SCAMP4: variants seen among roughly 807,000 people sequenced by gnomAD.
SCAMP4 encodes the protein secretory carrier membrane protein 4, also known as secretory carrier-associated membrane protein 4.
SCAMP4 carries 19 observed loss-of-function variants against 32.1 expected under a neutral mutation model. That is an observed-to-expected ratio of 0.59 (90% CI 0.41 to 0.87). The LOEUF is 0.87. SCAMP4 is among the 40% of genes least tolerant of loss of function. The pLI, the probability that SCAMP4 is intolerant of heterozygous loss-of-function variation, is 0.00. For synonymous variants in SCAMP4, 152 were observed against 132.7 expected (o/e 1.15, Z -1.00); for missense variants, 302 against 309.0 (o/e 0.98, Z 0.17).
At chr19:1,907,489 G>A (rs566738355) in intron 1 of SCAMP4, among the ~76,000 whole-genome samples, 1 of 152,232 alleles carries the variant, frequency 6.6e-6, no homozygotes, top group Non-Finnish European at 1.5e-5. Flanking sequence ...TCGCAGTCAG[G>A]AATTGACCGC....
At chr19:1,920,388 G>A (rs949359365) in intron 5 of SCAMP4, 1 of 820,130 alleles carries the variant, frequency 1.2e-6, no homozygotes, top group African/African-American at 1.9e-5. Context: ...AGGTTTCCTG[G>A]GATGGTGACT....
Position 1,923,866 on chromosome 19 carries a change from C to T in SCAMP4, c.514-242C>T, listed in dbSNP as rs191277930. ...GGTCTCAATCTCCTGACCTCGTGATCCTCCCGCCTCGGCCTCCCGAAGTGC... is the reference window on the plus strand; with the variant it reads ...GGTCTCAATCTCCTGACCTCGTGATTCTCCCGCCTCGGCCTCCCGAAGTGC... On this transcript the variant is annotated intron_variant, in intron 6 of 6. Coordinates refer to ENST00000316097, the MANE Select transcript of SCAMP4 (RefSeq NM_079834.4). 1.1e-3 allele frequency among the ~76,000 whole-genome samples: 137 copies of T among 121,386 alleles called. 18 individuals carry two copies. Among genetic ancestry groups the T allele is most frequent in the Admixed American group, 9.7e-3 (95 of 9,790 alleles). The allele number at this position is 121,386 out of a possible 152,430, so 79.6% of individuals were successfully genotyped here.
At chr19:1,917,921 T>C (rs1395043437) in intron 3 of SCAMP4, 99 bp downstream of exon 3, 1 of 1,513,036 alleles carries the variant, frequency 6.6e-7, no homozygotes, top group African/African-American at 1.4e-5. Flanking sequence ...GGGCCCACCG[T>C]CTACTGAAGC....
At position 1,909,947 on chromosome 19, in the gene SCAMP4, G is replaced by A. The variant is rs1036692199; in HGVS notation, c.-42+4508G>A. 3.3e-5 allele frequency among the ~76,000 whole-genome samples: 5 copies of A among 152,230 alleles called. No individual in the cohort carries two copies. In the South Asian group the frequency reaches 8.3e-4, roughly 25 times the overall value. ...GTCTCTCTTTTCCTAGCCCTTGGCCGACTAGGGGGCGAGTGTTTACAGAAA... is the reference window on the plus strand; with the variant it reads ...GTCTCTCTTTTCCTAGCCCTTGGCCAACTAGGGGGCGAGTGTTTACAGAAA... On this transcript the variant is annotated intron_variant, in intron 1 of 6. Transcript: ENST00000316097.
chr19:1,920,905 C>T (rs1357810244), intron 5 of SCAMP4: 4 of 985,376 alleles, frequency 4.1e-6, no homozygotes, highest in Non-Finnish European at 4.8e-6. Flanking sequence ...GGCCCTCGTG[C>T]ACGTGCGGCA....
chr19:1,922,209 G>T lies in SCAMP4; in HGVS notation c.396-861G>T, dbSNP rs376413439. On this transcript the variant is annotated intron_variant, in intron 5 of 6. Coordinates refer to ENST00000316097, the MANE Select transcript of SCAMP4 (RefSeq NM_079834.4). ...CTGGTCCTGCACAGAGGGACCCAGG[G>T]CGTGCTGGCCTTCCCAGTGTCCCAC... is the stretch of plus-strand genomic sequence containing the variant. 2.1e-5 allele frequency: 21 copies of T among 985,458 alleles called. No individual in the cohort carries two copies. In the African/African-American group the frequency reaches 3.1e-4, roughly 15 times the overall value. 61.0% of individuals were successfully genotyped at this position (985,458 alleles called of 1,614,324 possible). A position where few individuals can be genotyped will look rare whatever the true frequency, so the allele number is the denominator to read the frequency against.
At position 1,912,103 on chromosome 19, in the gene SCAMP4, C is replaced by T. The variant is rs752745048; in HGVS notation, c.-41-2876C>T. The T allele has an allele frequency of 4.0e-5, 61 of 1,508,338 alleles. No homozygotes were observed. The highest frequency in any genetic ancestry group is 8.7e-5 in the Admixed American group (4 of 45,856). 93.4% of individuals were successfully genotyped at this position (1,508,338 alleles called of 1,614,324 possible). On this transcript the variant is annotated intron_variant, in intron 1 of 6. Transcript: ENST00000316097. ...CAGTCGGCCTCGCTGAGGATGGAGC[C>T]CGCCCCGGGCCTCGTGGAGCAGCCC... is the stretch of plus-strand genomic sequence containing the variant.
chr19:1,917,750 T>C lies in SCAMP4; in HGVS notation c.64T>C (p.Tyr22His). The change falls in exon 3 of 7, where the codon TAC becomes CAC. Residue 22 changes from tyrosine to histidine, a missense_variant. By Grantham distance (83) the Tyr-to-His change is moderately conservative. Coordinates refer to ENST00000316097, the MANE Select transcript of SCAMP4 (RefSeq NM_079834.4). ...GTTCATCCCTGTGAAGCCCTGCTTC[T>C]ACCAGAACTTCTCCGACGAGATCCC... ...PKFIPVKPCFYQNFSDEIPVE... is the reference protein window; with the variant it reads ...PKFIPVKPCFHQNFSDEIPVE... 1 of 1,614,020 alleles carries C rather than the reference T, an allele frequency of 6.2e-7. No homozygotes were observed. Among genetic ancestry groups the C allele is most frequent in the Middle Eastern group, 1.6e-4 (1 of 6,062 alleles).
intron 5 of SCAMP4, chr19:1,922,446 G>T (rs946395963): frequency 6.5e-6 from 5 of 773,356 alleles, no homozygotes; most frequent in Admixed American, 6.3e-5. Context: ...TGTTGGTCAG[G>T]CTGGTCTCCA....
chr19:1,915,221 C>T lies in SCAMP4; in HGVS notation c.7+195C>T, dbSNP rs2013691413. On this transcript the variant is annotated intron_variant, in intron 2 of 6. Coordinates refer to ENST00000316097, the MANE Select transcript of SCAMP4 (RefSeq NM_079834.4). ...TGGGGGCAAAGGACAGCAGAGCCGC[C>T]TGTGTATCCGCTCGGACGCCTCACT... Among the ~76,000 whole-genome samples, 3 of 152,220 alleles carry T rather than the reference C, an allele frequency of 2.0e-5. No homozygotes were observed. In the South Asian group the frequency reaches 6.2e-4, roughly 31 times the overall value.
chr19:1,921,058 C>T (rs1016144005), intron 5 of SCAMP4: 5 of 985,404 alleles, frequency 5.1e-6, no homozygotes, highest in Non-Finnish European at 6.0e-6. Context: ...AGAGCCCGGC[C>T]CCCCTTGTAA....
At chr19:1,920,159 TTC>T in intron 5 of SCAMP4, 1 of 985,428 alleles carries the variant, frequency 1.0e-6, no homozygotes. Flanking sequence ...TAATTTGTAA[TTC>T]TCAGTTGCAG....
rs1022743395 is a variant in SCAMP4, at chr19:1,924,421, C to T, written c.*137C>T. On this transcript the variant is annotated 3_prime_UTR_variant, in exon 7 of 7. Coordinates refer to ENST00000316097, the MANE Select transcript of SCAMP4 (RefSeq NM_079834.4). Reference sequence around the variant, plus strand: ...GTGGAAGCCGGTGGTGGCCACGGACCGCCCCCCTCCTGCCAGGGCCACAGA... The same window carrying T: ...GTGGAAGCCGGTGGTGGCCACGGACTGCCCCCCTCCTGCCAGGGCCACAGA... The T allele has an allele frequency of 2.8e-5, 20 of 702,460 alleles. No homozygotes were observed. Among genetic ancestry groups the T allele is most frequent in the South Asian group, 1.4e-4 (8 of 56,998 alleles). The allele number at this position is 702,460 out of a possible 1,614,324, so 43.5% of individuals were successfully genotyped here. A position where few individuals can be genotyped will look rare whatever the true frequency, so the allele number is the denominator to read the frequency against.
At chr19:1,915,944 GA>G (rs11336283) in intron 2 of SCAMP4, among the ~76,000 whole-genome samples, 125,764 of 137,336 alleles carry the variant, frequency 0.92, 57,524 homozygotes, top group Non-Finnish European at 0.93. Context: ...GACTGTCTCA[GA>G]AAAAAAAAAA....
intron 3 of SCAMP4, 71 bp from the exon 4 acceptor site, chr19:1,918,056 T>G: frequency 6.5e-7 from 1 of 1,546,710 alleles, no homozygotes; most frequent in Non-Finnish European, 8.8e-7. Flanking sequence ...GGTGCCCCAT[T>G]GCTGGGCCCA....
chr19:1,920,160 T>A, intron 5 of SCAMP4: 2 of 985,410 alleles, frequency 2.0e-6, no homozygotes, highest in Non-Finnish European at 2.4e-6. Context: ...AATTTGTAAT[T>A]CTCAGTTGCA....
intron 5 of SCAMP4, chr19:1,920,384 C>T: frequency 1.2e-6 from 1 of 858,284 alleles, no homozygotes; most frequent in Non-Finnish European, 1.4e-6. Context: ...TCCCAGGTTT[C>T]CTGGGATGGT....
chr19:1,912,455 G>A, intron 1 of SCAMP4: 5 of 1,505,840 alleles, frequency 3.3e-6, no homozygotes, highest in Non-Finnish European at 4.4e-6. Context: ...CCCGCGGCCT[G>A]GGGCAACCCT....
chr19:1,907,504 G>T (rs1018241983), intron 1 of SCAMP4, among the ~76,000 whole-genome samples: 1 of 152,166 alleles, frequency 6.6e-6, no homozygotes, highest in Non-Finnish European at 1.5e-5. Context: ...GACCGCGCTG[G>T]GCTGAACGCC....
Sources: allele counts gnomAD v4.1 joint callset (sites outside exome capture counted in the v4.1 genomes callset), GRCh38; gene constraint gnomAD v4.1.1; transcripts MANE v1.5; gene names NCBI Gene and HGNC (gene_info 2026-07-23, HGNC 2026-07-21).